PAFAH1B1: variants seen among roughly 807,000 people sequenced by gnomAD.
The protein encoded by PAFAH1B1 is platelet-activating factor acetylhydrolase IB subunit beta.
Under a neutral mutation model 57.5 loss-of-function variants are expected in PAFAH1B1, and 2 were observed. The observed-to-expected ratio is 0.03, with a 90% CI of 0.01 to 0.11. The LOEUF (loss-of-function observed/expected upper bound fraction) is 0.11, where lower values mean the gene tolerates loss of function less well. PAFAH1B1 is among the 10% of genes least tolerant of loss of function. PAFAH1B1 has a pLI of 1.00. For synonymous variants in PAFAH1B1, 152 were observed against 169.6 expected (o/e 0.90, Z 0.81); for missense variants, 257 against 512.0 (o/e 0.50, Z 4.81).
At chr17:2,659,778 T>G (rs1181434853) in intron 2 of PAFAH1B1, among the ~76,000 whole-genome samples, 2 of 151,982 alleles carry the variant, frequency 1.3e-5, no homozygotes, top group Non-Finnish European at 2.9e-5. Context: ...CAGGCTTCAG[T>G]GAGCCGAGAT....
chr17:2,622,935 C>G (rs2068443058), intron 1 of PAFAH1B1, among the ~76,000 whole-genome samples: 2 of 152,252 alleles, frequency 1.3e-5, no homozygotes, highest in Admixed American at 6.5e-5. Flanking sequence ...CACGTGGAAG[C>G]TGCCAAGGCT....
intron 2 of PAFAH1B1, among the ~76,000 whole-genome samples, chr17:2,655,067 T>C (rs959278616): frequency 2.0e-5 from 3 of 151,942 alleles, no homozygotes; most frequent in African/African-American, 7.3e-5. Flanking sequence ...TTCAAAGTGC[T>C]GGGATTACAG....
intron 9 of PAFAH1B1, chr17:2,679,570 A>G (rs971264571): frequency 6.8e-6 from 1 of 146,480 alleles, no homozygotes; most frequent in Non-Finnish European, 1.5e-5. Context: ...GGATGATTAG[A>G]TGGATGATTG....
intron 5 of PAFAH1B1, among the ~76,000 whole-genome samples, chr17:2,667,851 T>C (rs569884508): frequency 6.6e-6 from 1 of 152,046 alleles, no homozygotes; most frequent in South Asian, 2.1e-4. Flanking sequence ...ATGTTGTGCT[T>C]TTTTAATTAG....
At chr17:2,670,122 T>G (rs2069160530) in intron 5 of PAFAH1B1, 41 bp from the exon 6 acceptor site, 1 of 1,575,646 alleles carries the variant, frequency 6.3e-7, no homozygotes, top group African/African-American at 1.3e-5. Flanking sequence ...AAGAAAGGAG[T>G]GATGGAGTTG....
At chr17:2,598,898 C>T (rs2068111638) in intron 1 of PAFAH1B1, among the ~76,000 whole-genome samples, 1 of 152,148 alleles carries the variant, frequency 6.6e-6, no homozygotes, top group Admixed American at 6.5e-5. Context: ...ACTTCTGTTA[C>T]ATATGTAATT....
Position 2,670,229 on chromosome 17 carries a change from A to G in PAFAH1B1, c.466A>G (p.Ile156Val). Reference protein sequence around the residue: ...LKGHTDSVQDISFDHSGKLLA... With the variant: ...LKGHTDSVQDVSFDHSGKLLA... Reference sequence around the variant, plus strand: ...AGGACATACAGACTCTGTACAGGACATTTCATTCGACCACAGCGGCAAGCT... The same window carrying G: ...AGGACATACAGACTCTGTACAGGACGTTTCATTCGACCACAGCGGCAAGCT... The change falls in exon 6 of 11, where the codon ATT (isoleucine) becomes GTT (valine). Residue 156 changes from isoleucine to valine, a missense_variant. Ile to Val is a conservative substitution (Grantham distance 29). Transcript: ENST00000397195. 2 of 1,614,128 alleles carry G rather than the reference A, an allele frequency of 1.2e-6. No homozygotes were observed. Among genetic ancestry groups the G allele is most frequent in the African/African-American group, 1.3e-5 (1 of 75,066 alleles).
chr17:2,660,731 T>C (rs564961032), intron 2 of PAFAH1B1, among the ~76,000 whole-genome samples: 1 of 152,222 alleles, frequency 6.6e-6, no homozygotes, highest in Non-Finnish European at 1.5e-5. Flanking sequence ...TGTGTCTTTA[T>C]AGCAAAATGA....
intron 1 of PAFAH1B1, among the ~76,000 whole-genome samples, chr17:2,612,897 A>G (rs1301584725): frequency 6.6e-6 from 1 of 152,214 alleles, no homozygotes; most frequent in Non-Finnish European, 1.5e-5. Context: ...GGTGTGAGCC[A>G]GCATGCCCGG....
At chr17:2,662,982 A>G (rs1391947793) in intron 2 of PAFAH1B1, among the ~76,000 whole-genome samples, 1 of 152,064 alleles carries the variant, frequency 6.6e-6, no homozygotes, top group Non-Finnish European at 1.5e-5. Flanking sequence ...GCATCGTGGC[A>G]CCTGCCTGTA....
chr17:2,653,644 T>G (rs1454470254), intron 2 of PAFAH1B1, among the ~76,000 whole-genome samples: 1 of 152,132 alleles, frequency 6.6e-6, no homozygotes. Flanking sequence ...TTGAATTTTG[T>G]TAATATAGGG....
At chr17:2,651,396 G>T (rs2068847247) in intron 2 of PAFAH1B1, among the ~76,000 whole-genome samples, 1 of 140,852 alleles carries the variant, frequency 7.1e-6, no homozygotes, top group African/African-American at 2.7e-5. Flanking sequence ...GGCCAACATG[G>T]CAAAACCCCG....
In PAFAH1B1 at chr17:2,666,200, A is replaced by C. The variant is rs149708488; in HGVS notation, c.192+110A>C. On this transcript the variant is annotated intron_variant, in intron 4 of 10. Transcript: ENST00000397195. ...ATTGCATCTAATCTTTAAAAAGCAA[A>C]TAAAAATACATTTTTTGTGCTTCAT... 8,385 of 1,029,636 alleles carry C rather than the reference A, an allele frequency of 8.1e-3. 55 individuals carry two copies. The highest frequency in any genetic ancestry group is 0.019 in the Middle Eastern group (55 of 2,966). The allele number at this position is 1,029,636 out of a possible 1,614,324, so 63.8% of individuals were successfully genotyped here.
At chr17:2,639,018 A>C (rs377455833) in intron 2 of PAFAH1B1, among the ~76,000 whole-genome samples, 6 of 151,428 alleles carry the variant, frequency 4.0e-5, no homozygotes, top group African/African-American at 1.5e-4. Context: ...TTCTGCCTCA[A>C]CCTCCCGAGT....
chr17:2,622,819 G>A (rs140483984), intron 1 of PAFAH1B1, among the ~76,000 whole-genome samples: 1 of 152,372 alleles, frequency 6.6e-6, no homozygotes, highest in Non-Finnish European at 1.5e-5. Flanking sequence ...TGTCCCTGCA[G>A]CAAACTTTTG....
rs8072378 is a variant in PAFAH1B1, at chr17:2,618,489, A to G, written c.-190-19610A>G. Among the ~76,000 whole-genome samples, 920 of 152,160 alleles carry G rather than the reference A, an allele frequency of 6.0e-3. 12 individuals carry two copies. The highest frequency in any genetic ancestry group is 0.021 in the African/African-American group (869 of 41,540). ...GGAAATGAAGTTACTCTTACGGAGT[A>G]TTTTGTCCTTCTATGTAATCTCATG... is the stretch of plus-strand genomic sequence containing the variant. On this transcript the variant is annotated intron_variant, in intron 1 of 10. Coordinates refer to ENST00000397195, the MANE Select transcript of PAFAH1B1 (RefSeq NM_000430.4).
intron 6 of PAFAH1B1, among the ~76,000 whole-genome samples, chr17:2,672,279 G>T (rs1264489698): frequency 1.8e-5 from 1 of 55,230 alleles, no homozygotes; most frequent in Non-Finnish European, 3.2e-5. Context: ...GCAAGTCCTT[G>T]CCTCACAAAA....
intron 2 of PAFAH1B1, among the ~76,000 whole-genome samples, chr17:2,658,464 G>T (rs147646537): frequency 7.9e-5 from 12 of 152,174 alleles, no homozygotes; most frequent in African/African-American, 1.9e-4. Flanking sequence ...TATTTATTTG[G>T]TTTTGCTTTT....
intron 1 of PAFAH1B1, among the ~76,000 whole-genome samples, chr17:2,636,772 C>T (rs1439780252): frequency 6.6e-6 from 1 of 152,104 alleles, no homozygotes; most frequent in Admixed American, 6.6e-5. Context: ...CGCTTTGTCA[C>T]CTAGGCTGGA....
Sources: allele counts gnomAD v4.1 joint callset (sites outside exome capture counted in the v4.1 genomes callset), GRCh38; gene constraint gnomAD v4.1.1; transcripts MANE v1.5; gene names NCBI Gene and HGNC (gene_info 2026-07-23, HGNC 2026-07-21).